COMMD7: variants seen among roughly 807,000 people sequenced by gnomAD.
COMMD7 encodes the protein COMM domain-containing protein 7.
In COMMD7, 28 loss-of-function variants were observed where a neutral mutation model predicts 34.8. The observed-to-expected ratio is 0.80, with a 90% CI of 0.60 to 1.10. The LOEUF is 1.10. Among genes scored for constraint, COMMD7 ranks in the 50% least tolerant of loss-of-function variants. The pLI is 0.00. For missense variants in COMMD7, 211 were observed against 241.6 expected (o/e 0.87, Z 0.84); for synonymous variants, 80 against 86.4 (o/e 0.93, Z 0.41).
intron 3 of COMMD7, among the ~76,000 whole-genome samples, chr20:32,717,115 G>A (rs148278072): frequency 6.6e-6 from 1 of 152,010 alleles, no homozygotes; most frequent in African/African-American, 2.4e-5. Flanking sequence ...ACAGGTGTGA[G>A]CCACCGTGCC....
intron 5 of COMMD7, among the ~76,000 whole-genome samples, chr20:32,706,310 G>A (rs1053519185): frequency 1.3e-5 from 2 of 150,894 alleles, no homozygotes; most frequent in South Asian, 4.2e-4. Context: ...TCAGGAGTTC[G>A]AGACCAGCCT....
At chr20:32,730,939 T>C (rs191794686) in intron 1 of COMMD7, among the ~76,000 whole-genome samples, 2 of 152,316 alleles carry the variant, frequency 1.3e-5, no homozygotes, top group Admixed American at 6.5e-5. Context: ...GTTGTATGTG[T>C]AGTATGTTAA....
intron 3 of COMMD7, among the ~76,000 whole-genome samples, chr20:32,717,853 C>T (rs1470619611): frequency 2.0e-5 from 3 of 151,668 alleles, no homozygotes; most frequent in Admixed American, 1.3e-4. Context: ...GTGGCTCATG[C>T]TTGTAATCTC....
At chr20:32,722,894 C>T (rs1166370492) in intron 3 of COMMD7, among the ~76,000 whole-genome samples, 1 of 151,108 alleles carries the variant, frequency 6.6e-6, no homozygotes, top group Non-Finnish European at 1.5e-5. Flanking sequence ...TGGTGGTGGG[C>T]ACCTGTAGTC....
At chr20:32,737,534 G>T (rs939232665) in intron 1 of COMMD7, among the ~76,000 whole-genome samples, 1 of 151,520 alleles carries the variant, frequency 6.6e-6, no homozygotes, top group African/African-American at 2.4e-5. Context: ...AGAAAGAAAA[G>T]AAAATGAGTC....
intron 3 of COMMD7, among the ~76,000 whole-genome samples, chr20:32,721,147 T>G (rs1010513775): frequency 6.6e-6 from 1 of 152,188 alleles, no homozygotes; most frequent in South Asian, 2.1e-4. Flanking sequence ...CAGCACAGGG[T>G]TGCAGCTCAA....
At chr20:32,743,234 ACGTCCCCCCCACCCCAGGCCCGGAT>A in intron 1 of COMMD7, 49 bp downstream of exon 1, 1 of 445,058 alleles carries the variant, frequency 2.2e-6, no homozygotes, top group Non-Finnish European at 4.1e-6. Context: ...GCACCCCCGG[ACGTCCCCCCCACCCCAGGCCCGGAT>A]CCTGGAATCA....
intron 1 of COMMD7, among the ~76,000 whole-genome samples, chr20:32,741,773 T>G (rs1009102671): frequency 1.3e-5 from 2 of 152,226 alleles, no homozygotes; most frequent in African/African-American, 2.4e-5. Flanking sequence ...TATAGTCCAG[T>G]TGCCTATGGT....
Position 32,703,339 on chromosome 20 carries a change from A to C in COMMD7, c.*43T>G. ...CTCAGAGCAGTCACCCAGGGAAGGG[A>C]GGAGGGCAGGGAACGGGGCCAGGGG... On this transcript the variant is annotated 3_prime_UTR_variant, in exon 9 of 9. Coordinates refer to ENST00000278980, the MANE Select transcript of COMMD7 (RefSeq NM_053041.3). 6.4e-7 allele frequency: 1 copy of C among 1,563,372 alleles called. No individual in the cohort carries two copies. Among genetic ancestry groups the C allele is most frequent in the Non-Finnish European group, 8.8e-7 (1 of 1,138,410 alleles).
At chr20:32,718,065 G>A (rs6058825) in intron 3 of COMMD7, among the ~76,000 whole-genome samples, 102,314 of 149,772 alleles carry the variant, frequency 0.68, 35,771 homozygotes, top group Middle Eastern at 0.81. Flanking sequence ...CTCGAGCCTC[G>A]GCGACAGAGC....
chr20:32,736,462 C>T lies in COMMD7; in HGVS notation c.84+6846G>A, dbSNP rs542098568. ...GAGGCCGGCGGATCACAAGGTCAGG[C>T]GATTGAGACCATCCTGGCTAACACG... is the stretch of plus-strand genomic sequence containing the variant. On this transcript the variant is annotated intron_variant, in intron 1 of 8. Coordinates refer to ENST00000278980, the MANE Select transcript of COMMD7 (RefSeq NM_053041.3). Among the ~76,000 whole-genome samples, 3 of 150,338 alleles carry T rather than the reference C, an allele frequency of 2.0e-5. No homozygotes were observed. In the East Asian group the frequency reaches 6.1e-4, roughly 30 times the overall value.
intron 1 of COMMD7, among the ~76,000 whole-genome samples, chr20:32,741,291 C>T (rs537260270): frequency 6.6e-5 from 10 of 151,914 alleles, no homozygotes; most frequent in African/African-American, 1.9e-4. Context: ...AATCACCATG[C>T]ACTACAGCCT....
chr20:32,730,331 G>T, intron 1 of COMMD7, among the ~76,000 whole-genome samples: 1 of 152,014 alleles, frequency 6.6e-6, no homozygotes, highest in East Asian at 1.9e-4. Flanking sequence ...GAGGTTGGCG[G>T]ATCATTTGAG....
At chr20:32,734,518 A>G (rs1386345011) in intron 1 of COMMD7, among the ~76,000 whole-genome samples, 2 of 152,086 alleles carry the variant, frequency 1.3e-5, no homozygotes, top group Non-Finnish European at 2.9e-5. Flanking sequence ...AAAAATATAT[A>G]CAGAATGAAC....
At chr20:32,735,982 AT>A in intron 1 of COMMD7, among the ~76,000 whole-genome samples, 1 of 152,224 alleles carries the variant, frequency 6.6e-6, no homozygotes, top group East Asian at 1.9e-4. Context: ...CAGACTCCAC[AT>A]TGCCTGGGAC....
At chr20:32,737,263 G>A (rs941947667) in intron 1 of COMMD7, among the ~76,000 whole-genome samples, 3 of 150,536 alleles carry the variant, frequency 2.0e-5, no homozygotes, top group East Asian at 1.9e-4. Context: ...TCAGCTACTC[G>A]GGAGGCTGAG....
intron 3 of COMMD7, among the ~76,000 whole-genome samples, chr20:32,718,318 G>A (rs2145738876): frequency 6.6e-6 from 1 of 151,902 alleles, no homozygotes; most frequent in Non-Finnish European, 1.5e-5. Flanking sequence ...CCAGGAGAAT[G>A]GCGTGAACCC....
At position 32,704,061 on chromosome 20, in the gene COMMD7, A is replaced by C; in HGVS notation, c.488T>G (p.Val163Gly). The stretch of plus-strand genomic sequence containing the variant: ...TTCGGTTTGATTTCCTTTCTTAACC[A>C]CCAACTTTAGCTGATGAAAGAAAAA... ...VGSIFLQLKL[V>G]VKKGNQTENV... The change falls in exon 8 of 9, where the codon GTG becomes GGG. Residue 163 changes from valine to glycine, a missense_variant. Coordinates refer to ENST00000278980, the MANE Select transcript of COMMD7 (RefSeq NM_053041.3). The C allele has an allele frequency of 6.2e-7, 1 of 1,606,004 alleles. No individual in the cohort carries two copies. Among genetic ancestry groups the C allele is most frequent in the East Asian group, 2.2e-5 (1 of 44,826 alleles).
At chr20:32,735,190 A>G (rs1364686953) in intron 1 of COMMD7, among the ~76,000 whole-genome samples, 1 of 151,402 alleles carries the variant, frequency 6.6e-6, no homozygotes, top group Non-Finnish European at 1.5e-5. Flanking sequence ...GTGAGCCAAG[A>G]TTGCGCCATT....
Sources: allele counts gnomAD v4.1 joint callset (sites outside exome capture counted in the v4.1 genomes callset), GRCh38; gene constraint gnomAD v4.1.1; transcripts MANE v1.5; gene names NCBI Gene and HGNC (gene_info 2026-07-23, HGNC 2026-07-21).